TRAPPC10: variants seen among roughly 807,000 people sequenced by gnomAD.
TRAPPC10 encodes the protein trafficking protein particle complex subunit 10.
In TRAPPC10, 23 loss-of-function variants were observed where a neutral mutation model predicts 125.5. The observed-to-expected ratio is 0.18, with a 90% CI of 0.13 to 0.26. TRAPPC10 has a LOEUF of 0.26. Ranked by LOEUF, TRAPPC10 falls within the 10% of genes least tolerant of loss-of-function variation. The pLI is 1.00. For missense variants in TRAPPC10, 1,123 were observed against 1,308.4 expected (o/e 0.86, Z 2.19); for synonymous variants, 509 against 518.0 (o/e 0.98, Z 0.24).
In TRAPPC10 at chr21:44,086,825, CAG is replaced by C; in HGVS notation, c.2409_2410del (p.Arg803SerfsTer21). 1 of 1,614,184 alleles carries C rather than the reference CAG, an allele frequency of 6.2e-7. No homozygotes were observed. The highest frequency in any genetic ancestry group is 8.5e-7 in the Non-Finnish European group (1 of 1,180,034). On this transcript the variant is annotated frameshift_variant, in exon 16 of 23. Transcript: ENST00000291574. LOFTEE classifies it high-confidence loss of function. ...LADSLLAGIPQRVKFTVTTGH... is the reference protein window; with the variant it reads ...LADSLLAGIPXRVKFTVTTGH... ...AGATAGCCTTCTGGCAGGCATTCCT[CAG>C]AGAGTCAAGTTCACTGTCACTACCG...
intron 4 of TRAPPC10, 48 bp from the exon 5 acceptor site, chr21:44,055,650 G>A (rs1214801145): frequency 4.1e-6 from 6 of 1,449,862 alleles, no homozygotes; most frequent in East Asian, 2.3e-5. Context: ...GAGTCGTGGT[G>A]CTGTGCATGG....
intron 2 of TRAPPC10, among the ~76,000 whole-genome samples, chr21:44,034,765 T>C (rs548449404): frequency 6.6e-6 from 1 of 152,278 alleles, no homozygotes; most frequent in Admixed American, 6.5e-5. Flanking sequence ...ACAAGTGTCC[T>C]TGTAAGAGGC....
chr21:44,084,442 T>C (rs975710049), intron 15 of TRAPPC10, among the ~76,000 whole-genome samples, 179 bp downstream of exon 15: 12 of 152,226 alleles, frequency 7.9e-5, no homozygotes, highest in African/African-American at 2.9e-4. Context: ...TATCTGAATG[T>C]TTGCTTTCCT....
chr21:44,056,487 A>C (rs2035603319), intron 5 of TRAPPC10, among the ~76,000 whole-genome samples: 1 of 152,190 alleles, frequency 6.6e-6, no homozygotes. Context: ...AACCAGGTAC[A>C]TACCACCTGA....
chr21:44,087,972 C>A lies in TRAPPC10; in HGVS notation c.2769+44C>A, dbSNP rs372477184. 6.6e-7 allele frequency: 1 copy of A among 1,523,576 alleles called. No individual in the cohort carries two copies. The allele number at this position is 1,523,576 out of a possible 1,614,324, so 94.4% of individuals were successfully genotyped here. ...GGAGCTTAGCTTGTGGGGCGTCCGC[C>A]GCCCGCCTGCCTGCTGGGAAAGGCG... On this transcript the variant is annotated intron_variant, in intron 17 of 22. Coordinates refer to ENST00000291574, the MANE Select transcript of TRAPPC10 (RefSeq NM_003274.5). The surrounding 1 kb of genome is among the most constrained non-coding windows in gnomAD (Gnocchi z 4.6).
intron 2 of TRAPPC10, among the ~76,000 whole-genome samples, chr21:44,033,510 A>AG (rs1284442797): frequency 2.0e-5 from 3 of 152,152 alleles, no homozygotes; most frequent in Non-Finnish European, 4.4e-5. Context: ...TGATAGATAA[A>AG]GGGAAAAAAA....
intron 7 of TRAPPC10, among the ~76,000 whole-genome samples, chr21:44,073,902 C>T (rs2037074830): frequency 6.6e-6 from 1 of 152,112 alleles, no homozygotes; most frequent in South Asian, 2.1e-4. Context: ...TTTCCCTCCC[C>T]TCTTGACACT....
intron 5 of TRAPPC10, 108 bp from the exon 6 acceptor site, chr21:44,058,995 A>G: frequency 1.4e-6 from 1 of 730,742 alleles, no homozygotes; most frequent in South Asian, 2.0e-5. Context: ...CGTAGACATT[A>G]TTCATAGTGC....
intron 4 of TRAPPC10, 75 bp from the exon 5 acceptor site, chr21:44,055,623 G>A: frequency 8.0e-7 from 1 of 1,252,056 alleles, no homozygotes; most frequent in Non-Finnish European, 1.1e-6. Flanking sequence ...TTGCCGCTCA[G>A]GACAATGGCA....
Position 44,050,815 on chromosome 21 carries a change from A to G in TRAPPC10, c.286-1465A>G, listed in dbSNP as rs148917851. On this transcript the variant is annotated intron_variant, in intron 3 of 22. Transcript: ENST00000291574. ...TTTAAATCAGGACATAGCAGTTTTT[A>G]AAATCAGGATACAAATGAGAAGTAC... Among the ~76,000 whole-genome samples, 615 of 152,370 alleles carry G rather than the reference A, an allele frequency of 4.0e-3. 3 individuals are homozygous for G. The highest frequency in any genetic ancestry group is 6.8e-3 in the Admixed American group (104 of 15,302).
chr21:44,071,447 A>G (rs2036859728), intron 7 of TRAPPC10, among the ~76,000 whole-genome samples: 1 of 152,204 alleles, frequency 6.6e-6, no homozygotes, highest in Non-Finnish European at 1.5e-5. Context: ...CATGTCTGGA[A>G]GTCTTAGATG....
Position 44,012,480 on chromosome 21 carries a change from G to A in TRAPPC10, c.-14G>A. 1 of 1,469,086 alleles carries A rather than the reference G, an allele frequency of 6.8e-7. No homozygotes were observed. The highest frequency in any genetic ancestry group is 1.3e-5 in the South Asian group (1 of 78,746). The allele number at this position is 1,469,086 out of a possible 1,614,324, so 91.0% of individuals were successfully genotyped here. A position where few individuals can be genotyped will look rare whatever the true frequency, so the allele number is the denominator to read the frequency against. On this transcript the variant is annotated 5_prime_UTR_variant, in exon 1 of 23. It removes the in-frame stop codon of an upstream open reading frame in the 5' UTR. Transcript: ENST00000291574. Reference sequence around the variant, plus strand: ...ATGGGGCGCGGGGGGCCGGGCCGGTGACGCCGGACGCCCATGGACGCCTCT... The same window carrying A: ...ATGGGGCGCGGGGGGCCGGGCCGGTAACGCCGGACGCCCATGGACGCCTCT...
At position 44,079,574 on chromosome 21, in the gene TRAPPC10, G is replaced by A; in HGVS notation, c.1480G>A (p.Ala494Thr). Residue 494 changes from alanine (A) to threonine (T), a missense_variant, in exon 12 of 23, where the codon GCT becomes ACT. Ala to Thr is a moderately conservative substitution (Grantham distance 58). Transcript: ENST00000291574. ...DLAEFYMRKK[A>T]PQKAEIYLQG... ...TGTTGACTTTGCAAGGAGGAAAAAG[G>A]CTCCACAAAAGGCAGAAATCTATCT... is the stretch of plus-strand genomic sequence containing the variant. 1.3e-6 allele frequency: 2 copies of A among 1,594,612 alleles called. No individual in the cohort carries two copies. The highest frequency in any genetic ancestry group is 1.7e-6 in the Non-Finnish European group (2 of 1,175,454).
intron 2 of TRAPPC10, among the ~76,000 whole-genome samples, chr21:44,035,138 C>T (rs2033897803): frequency 6.6e-6 from 1 of 152,170 alleles, no homozygotes; most frequent in African/African-American, 2.4e-5. Context: ...AATTTCTGCC[C>T]TCGTGAGTGG....
chr21:44,066,770 A>C (rs2036484000), intron 7 of TRAPPC10, among the ~76,000 whole-genome samples: 1 of 152,200 alleles, frequency 6.6e-6, no homozygotes, highest in Non-Finnish European at 1.5e-5. Context: ...TTATACATAC[A>C]TCTTTGTGTG....
At chr21:44,021,468 A>G (rs1413242932) in intron 1 of TRAPPC10, among the ~76,000 whole-genome samples, 3 of 152,300 alleles carry the variant, frequency 2.0e-5, no homozygotes, top group African/African-American at 4.8e-5. Flanking sequence ...TAAAAGTGCA[A>G]TATGTATCAA....
At chr21:44,029,030 C>T (rs531846960) in intron 1 of TRAPPC10, among the ~76,000 whole-genome samples, 35 of 152,296 alleles carry the variant, frequency 2.3e-4, no homozygotes, top group Admixed American at 3.9e-4. Flanking sequence ...AATTACCTAC[C>T]GCGTGAGCCA....
intron 8 of TRAPPC10, 51 bp downstream of exon 8, chr21:44,074,521 C>G (rs771966857): frequency 6.2e-7 from 1 of 1,609,602 alleles, no homozygotes; most frequent in Non-Finnish European, 8.5e-7. Context: ...GCGGCCATGC[C>G]TGGGTGGCGG....
intron 2 of TRAPPC10, among the ~76,000 whole-genome samples, chr21:44,036,590 A>G (rs565220631): frequency 6.6e-6 from 1 of 152,214 alleles, no homozygotes; most frequent in Non-Finnish European, 1.5e-5. Flanking sequence ...AGATAGGTGC[A>G]CTGAAGTGAA....
Sources: gnomAD v4.1 joint callset for allele counts (sites outside exome capture counted in the v4.1 genomes callset) on GRCh38, gnomAD v4.1.1 for gene constraint, Gnocchi (gnomAD v3.1) non-coding constraint, MANE v1.5 for transcripts, NCBI Gene and HGNC (gene_info 2026-07-23, HGNC 2026-07-21) for gene names.